The following PTPN1 variants were observed in gnomAD, a reference collection of about 807,000 sequenced individuals.
PTPN1 encodes tyrosine-protein phosphatase non-receptor type 1.
Under a neutral mutation model 59.9 loss-of-function variants are expected in PTPN1, and 12 were observed. That is an observed-to-expected ratio of 0.20 (90% CI 0.13 to 0.32). The LOEUF (loss-of-function observed/expected upper bound fraction) is 0.32. PTPN1 is among the 10% of genes least tolerant of loss of function. The pLI is 1.00. For missense variants in PTPN1, 356 were observed against 549.2 expected (o/e 0.65, Z 3.52); for synonymous variants, 178 against 203.6 (o/e 0.87, Z 1.07).
intron 1 of PTPN1, among the ~76,000 whole-genome samples, chr20:50,517,593 G>A (rs1440749976): frequency 2.6e-5 from 4 of 152,080 alleles, no homozygotes; most frequent in African/African-American, 7.2e-5. Context: ...GTATGACATC[G>A]TTCGATTTAC....
rs1401200170 is a variant in PTPN1, at chr20:50,582,625, C to T, written c.1285-67C>T. 1.3e-6 allele frequency: 2 copies of T among 1,572,900 alleles called. No individual in the cohort carries two copies. Among genetic ancestry groups the T allele is most frequent in the African/African-American group, 1.3e-5 (1 of 74,344 alleles). On this transcript the variant is annotated intron_variant, in intron 9 of 9. Coordinates refer to ENST00000371621, the MANE Select transcript of PTPN1 (RefSeq NM_002827.4). This position sits in a 1 kb window ranked among gnomAD's most constrained non-coding sequence, Gnocchi z 4.2. ...AGTTGCCGGGGGGTGTGGCCGGGGT[C>T]ATGCATGAGGCGACAGCTCTGCAGG...
Position 50,568,332 on chromosome 20 carries a change from G to A in PTPN1, c.256-48G>A. The A allele has an allele frequency of 3.9e-6, 6 of 1,523,718 alleles. No individual in the cohort carries two copies. Among genetic ancestry groups the A allele is most frequent in the Non-Finnish European group, 5.5e-6 (6 of 1,098,048 alleles). 94.4% of individuals were successfully genotyped at this position (1,523,718 alleles called of 1,614,324 possible). A position where few individuals can be genotyped will look rare whatever the true frequency, so the allele number is the denominator to read the frequency against. ...CTGCAGAAGGTGAGCACACGCTGTA[G>A]CATGTTATGTTTCAGATGTCACATG... On this transcript the variant is annotated intron_variant, in intron 3 of 9. Coordinates refer to ENST00000371621, the MANE Select transcript of PTPN1 (RefSeq NM_002827.4). This position sits in a 1 kb window ranked among gnomAD's most constrained non-coding sequence, Gnocchi z 5.6.
At chr20:50,559,030 ATTTTTTT>A (rs35277786) in intron 1 of PTPN1, among the ~76,000 whole-genome samples, 1 of 119,466 alleles carries the variant, frequency 8.4e-6, no homozygotes. Flanking sequence ...ACGTCAGGGA[ATTTTTTT>A]TTTTTTTTTT....
chr20:50,582,806 GC>G lies in PTPN1; in HGVS notation c.*93del, dbSNP rs1295227430. On this transcript the variant is annotated 3_prime_UTR_variant, in exon 10 of 10. Coordinates refer to ENST00000371621, the MANE Select transcript of PTPN1 (RefSeq NM_002827.4). The surrounding 1 kb of genome is among the most constrained non-coding windows in gnomAD (Gnocchi z 4.2). ...AGCAGGCATGCCGCGGTAGGTAAGG[GC>G]CGCCGGACCGCGTAGAGAGCCGGGC... 6.5e-7 allele frequency: 1 copy of G among 1,526,846 alleles called. No individual in the cohort carries two copies. The highest frequency in any genetic ancestry group is 9.0e-7 in the Non-Finnish European group (1 of 1,111,484). The allele number at this position is 1,526,846 out of a possible 1,614,324, so 94.6% of individuals were successfully genotyped here. A position where few individuals can be genotyped will look rare whatever the true frequency, so the allele number is the denominator to read the frequency against.
chr20:50,568,680 G>T lies in PTPN1; in HGVS notation c.354+202G>T, dbSNP rs372777767. ...ATGAAGTGAATAAAAGGGAGGAGGC[G>T]GAAGAACTGCACGGACCTCTTCGCC... On this transcript the variant is annotated intron_variant, in intron 4 of 9. Coordinates refer to ENST00000371621, the MANE Select transcript of PTPN1 (RefSeq NM_002827.4). The surrounding 1 kb of genome is among the most constrained non-coding windows in gnomAD (Gnocchi z 5.6). Among the ~76,000 whole-genome samples the T allele has an allele frequency of 6.6e-6, 1 of 152,198 alleles. No individual in the cohort carries two copies. Among genetic ancestry groups the T allele is most frequent in the East Asian group, 1.9e-4 (1 of 5,200 alleles).
intron 1 of PTPN1, among the ~76,000 whole-genome samples, chr20:50,544,479 A>C (rs907025992): frequency 6.6e-6 from 1 of 152,220 alleles, no homozygotes; most frequent in Non-Finnish European, 1.5e-5. Flanking sequence ...GTGCAAACAG[A>C]TAAGTTGGAA....
At chr20:50,562,876 A>G (rs766647399) in intron 2 of PTPN1, 3 of 152,220 alleles carry the variant, frequency 2.0e-5, no homozygotes, top group Non-Finnish European at 2.9e-5. Flanking sequence ...AGCTTTTGCT[A>G]TAGTTGCTCT....
At chr20:50,533,534 A>G (rs932334543) in intron 1 of PTPN1, among the ~76,000 whole-genome samples, 2 of 150,756 alleles carry the variant, frequency 1.3e-5, no homozygotes, top group Non-Finnish European at 2.9e-5. Flanking sequence ...TTCAATTGCT[A>G]GCCAGTGAAG....
At chr20:50,522,926 T>A (rs564410329) in intron 1 of PTPN1, among the ~76,000 whole-genome samples, 3 of 151,736 alleles carry the variant, frequency 2.0e-5, no homozygotes, top group Non-Finnish European at 4.4e-5. Context: ...GCTAATTTTT[T>A]TTTTTTTTTT....
intron 1 of PTPN1, among the ~76,000 whole-genome samples, chr20:50,511,201 C>G (rs2082505724): frequency 6.6e-6 from 1 of 152,138 alleles, no homozygotes; most frequent in Non-Finnish European, 1.5e-5. Flanking sequence ...AAGATCCTAG[C>G]CTTAGTGGGG....
chr20:50,526,078 A>G (rs2082573932), intron 1 of PTPN1, among the ~76,000 whole-genome samples: 1 of 152,074 alleles, frequency 6.6e-6, no homozygotes, highest in African/African-American at 2.4e-5. Context: ...GGGGGAGCAC[A>G]TAGGGTGTAT....
chr20:50,546,200 G>C (rs1429117278), intron 1 of PTPN1, among the ~76,000 whole-genome samples: 5 of 152,190 alleles, frequency 3.3e-5, no homozygotes, highest in African/African-American at 4.8e-5. Flanking sequence ...GGCTCTGTGA[G>C]GGCAGGTCTT....
At chr20:50,564,946 C>CT (rs761479682) in intron 2 of PTPN1, 23 bp from the exon 3 acceptor site, 28 of 1,612,534 alleles carry the variant, frequency 1.7e-5, no homozygotes, top group Non-Finnish European at 2.1e-5. Context: ...GGATTAACCT[C>CT]TGAGTTCTGG....
chr20:50,530,774 G>A (rs1188445607), intron 1 of PTPN1, among the ~76,000 whole-genome samples: 11 of 150,492 alleles, frequency 7.3e-5, no homozygotes. Context: ...CTCACTGGCA[G>A]CCTTAACCTC....
At chr20:50,511,106 C>A (rs1236501930) in intron 1 of PTPN1, among the ~76,000 whole-genome samples, 1 of 152,076 alleles carries the variant, frequency 6.6e-6, no homozygotes, top group Admixed American at 6.6e-5. Context: ...TCTGTTCATT[C>A]ATTTATTGGA....
chr20:50,559,385 G>A (rs1281923803), intron 1 of PTPN1, among the ~76,000 whole-genome samples: 1 of 152,090 alleles, frequency 6.6e-6, no homozygotes, highest in Non-Finnish European at 1.5e-5. Flanking sequence ...TTCATTGCTG[G>A]CCAGCTTTCA....
intron 1 of PTPN1, among the ~76,000 whole-genome samples, chr20:50,519,543 C>A (rs1011199104): frequency 6.6e-6 from 1 of 152,192 alleles, no homozygotes; most frequent in Admixed American, 6.5e-5. Flanking sequence ...ATGTCCTTAG[C>A]TGTCTGTGAA....
intron 1 of PTPN1, among the ~76,000 whole-genome samples, chr20:50,556,060 G>A (rs1458061229): frequency 6.7e-6 from 1 of 150,162 alleles, no homozygotes; most frequent in Non-Finnish European, 1.5e-5. Context: ...GTGCTGTATA[G>A]CATTTCCCTG....
intron 1 of PTPN1, among the ~76,000 whole-genome samples, chr20:50,543,393 T>C (rs957197580): frequency 6.6e-6 from 1 of 152,248 alleles, no homozygotes; most frequent in Admixed American, 6.5e-5. Flanking sequence ...AGAATGAAGG[T>C]AACCTGCATC....
Sources: gnomAD v4.1 joint callset for allele counts (sites outside exome capture counted in the v4.1 genomes callset) on GRCh38, gnomAD v4.1.1 for gene constraint, Gnocchi (gnomAD v3.1) non-coding constraint, MANE v1.5 for transcripts, NCBI Gene and HGNC (gene_info 2026-07-23, HGNC 2026-07-21) for gene names.